Variants in PCDH11X observed in about 807,000 individuals in gnomAD.
PCDH11X encodes protocadherin 11 X-linked, also known as protocadherin-11 X-linked.
PCDH11X carries 18 observed loss-of-function variants against 53.3 expected under a neutral mutation model. The ratio of observed to expected loss-of-function variants is 0.34; its 90% confidence interval spans 0.23 to 0.50. The LOEUF (loss-of-function observed/expected upper bound fraction) is 0.50, where lower values mean the gene tolerates loss of function less well. Among genes scored for constraint, PCDH11X ranks in the 20% least tolerant of loss-of-function variants. The probability of loss-of-function intolerance (pLI) is 0.98; values close to 1 mark genes in which losing one functional copy is unlikely to be tolerated. For missense variants in PCDH11X, 570 were observed against 1,032.4 expected (o/e 0.55, Z 6.14); for synonymous variants, 279 against 393.3 (o/e 0.71, Z 3.44).
rs191401262 is a variant in PCDH11X, at chrX:92,256,175, G to A, written c.3115-6939G>A. Among the ~76,000 whole-genome samples, 1,001 of 111,851 alleles carry A rather than the reference G, an allele frequency of 8.9e-3. 12 individuals are homozygous for A. The highest frequency in any genetic ancestry group is 0.031 in the African/African-American group (960 of 30,738). ...AGCTCGTCGGAAAAGCGCAGTATTC[G>A]GGTGGGAGTGACCCGATTTTCCCGA... On this transcript the variant is annotated intron_variant, in intron 7 of 10. Coordinates refer to ENST00000682573, the MANE Select transcript of PCDH11X (RefSeq NM_032968.5).
chrX:91,903,048 C>T (rs1335186057), intron 6 of PCDH11X, among the ~76,000 whole-genome samples: 2 of 111,452 alleles, frequency 1.8e-5, no homozygotes, highest in Admixed American at 1.9e-4. Context: ...GAAAATGGAG[C>T]TCAGGAAGGT....
chrX:92,144,582 G>A (rs2759743), intron 6 of PCDH11X, among the ~76,000 whole-genome samples: 1 of 110,518 alleles, frequency 9.0e-6, no homozygotes, highest in Non-Finnish European at 1.9e-5. Context: ...ATGTGTAACT[G>A]TAAGTCCAAT....
chrX:92,400,050 CT>C (rs1233175036), intron 9 of PCDH11X, among the ~76,000 whole-genome samples: 1 of 106,987 alleles, frequency 9.3e-6, no homozygotes, highest in Non-Finnish European at 1.9e-5. Context: ...CGTGCCCGGC[CT>C]TTTTCTGATA....
chrX:92,277,017 A>T (rs1164058692), intron 8 of PCDH11X, among the ~76,000 whole-genome samples: 1 of 111,341 alleles, frequency 9.0e-6, no homozygotes, highest in African/African-American at 3.3e-5. Flanking sequence ...AGAAACTGTA[A>T]GCTGGACCAG....
chrX:92,589,313 G>T (rs1232870490), intron 10 of PCDH11X, among the ~76,000 whole-genome samples: 1 of 111,504 alleles, frequency 9.0e-6, no homozygotes, highest in African/African-American at 3.3e-5. Context: ...TTGTAACTGT[G>T]GTGTGTAATC....
intron 7 of PCDH11X, among the ~76,000 whole-genome samples, chrX:92,253,116 C>G (rs747643139): frequency 8.9e-5 from 10 of 111,768 alleles, no homozygotes; most frequent in Non-Finnish European, 1.7e-4. Context: ...AAAAGCAATA[C>G]TCTTGGGTAA....
At chrX:92,154,298 G>A in intron 6 of PCDH11X, among the ~76,000 whole-genome samples, 1 of 110,852 alleles carries the variant, frequency 9.0e-6, no homozygotes, top group Non-Finnish European at 1.9e-5. Context: ...TTTCAATATG[G>A]AATCTCTTCT....
chrX:92,213,977 C>T (rs2066639101), intron 7 of PCDH11X, among the ~76,000 whole-genome samples: 2 of 111,825 alleles, frequency 1.8e-5, no homozygotes, highest in South Asian at 7.5e-4. Flanking sequence ...ACTCATCAGC[C>T]TATGCATGAG....
chrX:92,072,506 G>A (rs1040673149), intron 6 of PCDH11X, among the ~76,000 whole-genome samples: 2 of 111,146 alleles, frequency 1.8e-5, no homozygotes, highest in Admixed American at 1.9e-4. Flanking sequence ...GTTAACAGGT[G>A]ATAAATGCTG....
intron 6 of PCDH11X, among the ~76,000 whole-genome samples, chrX:91,969,979 T>C (rs1446891991): frequency 9.1e-6 from 1 of 109,929 alleles, no homozygotes; most frequent in Admixed American, 9.7e-5. Flanking sequence ...AGTATAATAA[T>C]GTGTCCGGAA....
At chrX:92,279,593 AATACTT>A (rs372462638) in intron 8 of PCDH11X, among the ~76,000 whole-genome samples, 1 of 112,708 alleles carries the variant, frequency 8.9e-6, no homozygotes, top group Middle Eastern at 4.6e-3. Context: ...TTATCTTTGT[AATACTT>A]ATATAAAGTT....
intron 8 of PCDH11X, among the ~76,000 whole-genome samples, chrX:92,307,766 A>G (rs2148477667): frequency 1.0e-5 from 1 of 98,938 alleles, no homozygotes; most frequent in African/African-American, 3.6e-5. Flanking sequence ...AAGTTGTGAA[A>G]GTTCTACAAA....
chrX:92,037,431 T>C (rs1230818673), intron 6 of PCDH11X, among the ~76,000 whole-genome samples: 2 of 112,110 alleles, frequency 1.8e-5, no homozygotes, highest in Non-Finnish European at 1.9e-5. Flanking sequence ...GGTGTATATG[T>C]ACCACATTTT....
intron 6 of PCDH11X, among the ~76,000 whole-genome samples, chrX:92,175,793 C>T (rs2065899987): frequency 1.3e-5 from 1 of 79,748 alleles, no homozygotes; most frequent in South Asian, 7.0e-4. Flanking sequence ...TATACACACA[C>T]ACACACACAC....
At chrX:92,241,157 A>C (rs953279963) in intron 7 of PCDH11X, among the ~76,000 whole-genome samples, 11 of 111,637 alleles carry the variant, frequency 9.9e-5, no homozygotes, top group African/African-American at 3.6e-4. Context: ...ATAGTGGTCC[A>C]AGTAAATTCC....
At chrX:92,288,761 G>T (rs5984923) in intron 8 of PCDH11X, among the ~76,000 whole-genome samples, 10,716 of 108,773 alleles carry the variant, frequency 0.099, 752 homozygotes, top group East Asian at 0.36. Flanking sequence ...TCTTGATGTG[G>T]TTTTTTTCAA....
intron 6 of PCDH11X, among the ~76,000 whole-genome samples, chrX:92,045,859 A>G (rs2148038041): frequency 9.2e-6 from 1 of 108,359 alleles, no homozygotes; most frequent in East Asian, 3.0e-4. Context: ...GGATCGCTTG[A>G]ACCTGGAAGG....
At chrX:92,312,086 T>A (rs1225812771) in intron 8 of PCDH11X, among the ~76,000 whole-genome samples, 1 of 111,625 alleles carries the variant, frequency 9.0e-6, no homozygotes. Flanking sequence ...TTATTTAGCA[T>A]AACCAAATTT....
At chrX:92,267,096 G>A (rs2067849445) in intron 8 of PCDH11X, among the ~76,000 whole-genome samples, 1 of 111,750 alleles carries the variant, frequency 8.9e-6, no homozygotes. Context: ...CTGGTTAATA[G>A]TTTTTGAAAT....
Sources: allele counts gnomAD v4.1 joint callset (sites outside exome capture counted in the v4.1 genomes callset), GRCh38; gene constraint gnomAD v4.1.1; transcripts MANE v1.5; gene names NCBI Gene and HGNC (gene_info 2026-07-23, HGNC 2026-07-21).